Variants in EBF1 observed in about 807,000 individuals in gnomAD.
EBF1 encodes the protein transcription factor COE1.
A neutral mutation model predicts 68.4 loss-of-function variants in EBF1; 10 were observed. That is an observed-to-expected ratio of 0.15 (90% CI 0.09 to 0.25). EBF1 has a LOEUF of 0.25. Among genes scored for constraint, EBF1 ranks in the 10% least tolerant of loss-of-function variants. EBF1 has a pLI of 1.00. For synonymous variants in EBF1, 298 were observed against 299.8 expected (o/e 0.99, Z 0.06); for missense variants, 509 against 794.4 (o/e 0.64, Z 4.32).
chr5:159,017,635 C>G (rs1348785048), intron 6 of EBF1, among the ~76,000 whole-genome samples: 1 of 152,158 alleles, frequency 6.6e-6, no homozygotes, highest in Admixed American at 6.5e-5. Context: ...TGTATTTATG[C>G]ATTTGTACTT....
At chr5:158,825,141 C>A (rs11960208) in intron 7 of EBF1, among the ~76,000 whole-genome samples, 4,410 of 152,230 alleles carry the variant, frequency 0.029, 215 homozygotes, top group African/African-American at 0.1. Context: ...AGATCTGACA[C>A]AGCCTTATGT....
intron 6 of EBF1, among the ~76,000 whole-genome samples, chr5:159,059,915 A>G (rs1490174470): frequency 2.6e-5 from 4 of 152,238 alleles, no homozygotes; most frequent in Admixed American, 6.5e-5. Context: ...AATGATATGA[A>G]TAATTCAGCA....
chr5:158,932,600 G>T (rs1338801932), intron 6 of EBF1, among the ~76,000 whole-genome samples: 1 of 151,932 alleles, frequency 6.6e-6, no homozygotes, highest in Non-Finnish European at 1.5e-5. Context: ...GTCTTTTTTA[G>T]AATATACCCA....
intron 6 of EBF1, among the ~76,000 whole-genome samples, chr5:158,969,597 C>T (rs1217606377): frequency 8.3e-6 from 1 of 120,602 alleles, no homozygotes; most frequent in Non-Finnish European, 1.7e-5. Flanking sequence ...AACCCCATCT[C>T]TACAAAAAAA....
intron 6 of EBF1, among the ~76,000 whole-genome samples, chr5:158,879,954 G>A (rs62385365): frequency 0.12 from 18,040 of 152,090 alleles, 1,132 homozygotes; most frequent in African/African-American, 0.14. Flanking sequence ...TTTAGAGATC[G>A]CCTGGTACAA....
chr5:158,968,351 T>A (rs1023528524), intron 6 of EBF1, among the ~76,000 whole-genome samples: 1 of 152,196 alleles, frequency 6.6e-6, no homozygotes, highest in Non-Finnish European at 1.5e-5. Context: ...ATTCTGACAT[T>A]TTAACGTTAT....
intron 10 of EBF1, among the ~76,000 whole-genome samples, chr5:158,744,780 C>A (rs1767185060): frequency 1.3e-5 from 2 of 152,208 alleles, no homozygotes; most frequent in South Asian, 4.1e-4. Flanking sequence ...TGCCTCAAGG[C>A]AAAAGCTGTC....
chr5:159,000,694 A>G (rs553551510), intron 6 of EBF1, among the ~76,000 whole-genome samples: 1 of 152,306 alleles, frequency 6.6e-6, no homozygotes, highest in African/African-American at 2.4e-5. Flanking sequence ...TGATGAGATC[A>G]ATGGTGATAT....
At chr5:158,883,686 C>T (rs1225546753) in intron 6 of EBF1, among the ~76,000 whole-genome samples, 1 of 152,128 alleles carries the variant, frequency 6.6e-6, no homozygotes, top group Non-Finnish European at 1.5e-5. Flanking sequence ...GAAGTTAAGG[C>T]TTTGGCAGGT....
At chr5:158,787,634 A>T (rs937628566) in intron 9 of EBF1, among the ~76,000 whole-genome samples, 9 of 152,200 alleles carry the variant, frequency 5.9e-5, no homozygotes, top group African/African-American at 2.2e-4. Context: ...CCTTGTCAAT[A>T]ATCAGCTGTG....
At chr5:158,782,910 C>T (rs1030043734) in intron 9 of EBF1, among the ~76,000 whole-genome samples, 5 of 151,530 alleles carry the variant, frequency 3.3e-5, no homozygotes, top group African/African-American at 4.9e-5. Context: ...CTGACTAGCT[C>T]GACACTCAGA....
chr5:158,739,444 C>G (rs1021144525), intron 10 of EBF1, among the ~76,000 whole-genome samples: 1 of 152,282 alleles, frequency 6.6e-6, no homozygotes, highest in African/African-American at 2.4e-5. Context: ...TTTGATCCAA[C>G]TTTAAAACTA....
At chr5:158,943,958 T>A (rs759788420) in intron 6 of EBF1, among the ~76,000 whole-genome samples, 4 of 152,208 alleles carry the variant, frequency 2.6e-5, no homozygotes, top group Non-Finnish European at 5.9e-5. Flanking sequence ...TGATTTCCAC[T>A]GAGCCCGGAC....
intron 10 of EBF1, among the ~76,000 whole-genome samples, chr5:158,776,626 G>T (rs1367334495): frequency 6.6e-6 from 1 of 152,090 alleles, no homozygotes; most frequent in Non-Finnish European, 1.5e-5. Context: ...TAAGCAGAGG[G>T]CCCAGAACCG....
At chr5:159,060,410 T>G (rs183570341) in intron 6 of EBF1, among the ~76,000 whole-genome samples, 76 of 152,324 alleles carry the variant, frequency 5.0e-4, no homozygotes, top group African/African-American at 1.7e-3. Context: ...ACTAGATTTT[T>G]AAAAATCTAT....
At chr5:158,700,103 T>C (rs1456898869) in intron 15 of EBF1, among the ~76,000 whole-genome samples, 2 of 152,214 alleles carry the variant, frequency 1.3e-5, no homozygotes, top group Non-Finnish European at 2.9e-5. Context: ...GAGGACCTGA[T>C]AGACGTTAGC....
chr5:159,006,625 A>G (rs1763596354), intron 6 of EBF1, among the ~76,000 whole-genome samples: 1 of 146,090 alleles, frequency 6.8e-6, no homozygotes, highest in Admixed American at 6.9e-5. Flanking sequence ...TCACAAACTC[A>G]TATAACCAAT....
chr5:158,977,977 C>T (rs547628430), intron 6 of EBF1, among the ~76,000 whole-genome samples: 1 of 152,192 alleles, frequency 6.6e-6, no homozygotes, highest in Non-Finnish European at 1.5e-5. Context: ...GATGGCCAGA[C>T]AAAGGGAAGA....
At chr5:158,996,270 C>T (rs945137653) in intron 6 of EBF1, among the ~76,000 whole-genome samples, 21 of 152,228 alleles carry the variant, frequency 1.4e-4, no homozygotes, top group South Asian at 4.2e-4. Flanking sequence ...CAAACATGTC[C>T]GGGACTTTAT....
Sources: gnomAD v4.1 joint callset for allele counts (sites outside exome capture counted in the v4.1 genomes callset) on GRCh38, gnomAD v4.1.1 for gene constraint, MANE v1.5 for transcripts, NCBI Gene and HGNC (gene_info 2026-07-23, HGNC 2026-07-21) for gene names.